The following RIN2 variants were observed in gnomAD, a reference collection of about 807,000 sequenced individuals.
RIN2 encodes the protein Ras and Rab interactor 2.
RIN2 carries 36 observed loss-of-function variants against 78.0 expected under a neutral mutation model. The ratio of observed to expected loss-of-function variants is 0.46; its 90% CI spans 0.35 to 0.61. The LOEUF (loss-of-function observed/expected upper bound fraction) is 0.61. RIN2 is among the 20% of genes least tolerant of loss of function. The pLI is 0.00. For synonymous variants in RIN2, 466 were observed against 466.8 expected (o/e 1.00, Z 0.02); for missense variants, 1,087 against 1,159.7 (o/e 0.94, Z 0.91).
intron 9 of RIN2, among the ~76,000 whole-genome samples, chr20:19,988,877 T>G (rs562179350): frequency 6.6e-6 from 1 of 152,100 alleles, no homozygotes; most frequent in East Asian, 1.9e-4. Flanking sequence ...TCGCCACATC[T>G]GCCTCATTCT....
chr20:19,950,473 T>G (rs1198103071), intron 4 of RIN2, among the ~76,000 whole-genome samples: 3 of 152,254 alleles, frequency 2.0e-5, no homozygotes, highest in Non-Finnish European at 4.4e-5. Context: ...GTTGCAAAGA[T>G]AGCACTGTTC....
chr20:19,770,946 TG>T (rs1340502866), intron 1 of RIN2, among the ~76,000 whole-genome samples: 1 of 145,738 alleles, frequency 6.9e-6, no homozygotes, highest in South Asian at 2.2e-4. Flanking sequence ...CGGCATCAAG[TG>T]GGGGTTCCCA....
At chr20:19,950,949 G>T (rs1351662883) in intron 4 of RIN2, among the ~76,000 whole-genome samples, 1 of 150,838 alleles carries the variant, frequency 6.6e-6, no homozygotes, top group Non-Finnish European at 1.5e-5. Flanking sequence ...AAGTGCAGTG[G>T]TGCCATCTCA....
At chr20:19,878,994 G>C (rs140139433) in intron 2 of RIN2, among the ~76,000 whole-genome samples, 1 of 152,180 alleles carries the variant, frequency 6.6e-6, no homozygotes, top group Non-Finnish European at 1.5e-5. Context: ...CAAGAGGATG[G>C]GGTGAGGTAG....
intron 3 of RIN2, among the ~76,000 whole-genome samples, chr20:19,897,110 T>C (rs1434580489): frequency 2.0e-5 from 3 of 152,140 alleles, no homozygotes; most frequent in African/African-American, 7.2e-5. Context: ...CATTTTGTTG[T>C]TGTTGTTGTT....
At chr20:19,971,185 A>ATTT (rs11461198) in intron 8 of RIN2, among the ~76,000 whole-genome samples, 1 of 148,510 alleles carries the variant, frequency 6.7e-6, no homozygotes, top group African/African-American at 2.5e-5. Flanking sequence ...CGCGTGCATG[A>ATTT]TTTTTTTTTT....
intron 1 of RIN2, among the ~76,000 whole-genome samples, chr20:19,776,050 T>G (rs1238913477): frequency 6.6e-6 from 1 of 152,124 alleles, no homozygotes; most frequent in Non-Finnish European, 1.5e-5. Flanking sequence ...AACCATTAAC[T>G]TCTTTTCATT....
At chr20:19,898,787 C>T (rs775720249) in intron 3 of RIN2, among the ~76,000 whole-genome samples, 29 of 152,176 alleles carry the variant, frequency 1.9e-4, no homozygotes, top group Non-Finnish European at 2.9e-4. Flanking sequence ...TGTTAAATCA[C>T]GTGCCAGCAT....
intron 8 of RIN2, 41 bp downstream of exon 8, chr20:19,970,970 T>A (rs2042086059): frequency 6.8e-7 from 1 of 1,478,610 alleles, no homozygotes; most frequent in African/African-American, 1.4e-5. Flanking sequence ...TAAAAATGAA[T>A]CCATGGAGCA....
At chr20:19,849,859 C>T (rs2036906205) in intron 2 of RIN2, among the ~76,000 whole-genome samples, 1 of 152,054 alleles carries the variant, frequency 6.6e-6, no homozygotes, top group African/African-American at 2.4e-5. Context: ...ACAGCAGCCT[C>T]CAGAAAATGG....
intron 2 of RIN2, among the ~76,000 whole-genome samples, chr20:19,833,662 G>T (rs141718931): frequency 6.6e-6 from 1 of 152,358 alleles, no homozygotes; most frequent in African/African-American, 2.4e-5. Flanking sequence ...AGTAGTGAGT[G>T]TAGCAGTGCG....
intron 3 of RIN2, among the ~76,000 whole-genome samples, chr20:19,904,237 A>AAAAATATATATATATATATATAT (rs1441221201): frequency 1.6e-4 from 15 of 95,086 alleles, no homozygotes; most frequent in Non-Finnish European, 2.0e-4. Flanking sequence ...GTCTCAAAAA[A>AAAAATATATATATATATATATAT]AAAATATATA....
intron 2 of RIN2, among the ~76,000 whole-genome samples, chr20:19,830,171 C>T (rs934169008): frequency 3.3e-5 from 5 of 152,156 alleles, no homozygotes; most frequent in Non-Finnish European, 5.9e-5. Context: ...TTTAAAATAT[C>T]ATTTTTATGA....
chr20:19,797,851 T>C (rs2035107192), intron 1 of RIN2, among the ~76,000 whole-genome samples: 1 of 150,360 alleles, frequency 6.7e-6, no homozygotes, highest in Admixed American at 6.6e-5. Context: ...TGGATTATTC[T>C]ACTTAATCTT....
intron 1 of RIN2, among the ~76,000 whole-genome samples, chr20:19,798,335 G>A (rs1038841419): frequency 1.3e-5 from 2 of 152,060 alleles, no homozygotes; most frequent in African/African-American, 4.8e-5. Flanking sequence ...GAGGGACAGG[G>A]AGGATATTCT....
At chr20:19,866,174 G>A (rs2037499689) in intron 2 of RIN2, among the ~76,000 whole-genome samples, 1 of 152,004 alleles carries the variant, frequency 6.6e-6, no homozygotes, top group Admixed American at 6.6e-5. Context: ...AGCACAGAGT[G>A]TAGATCCCTT....
chr20:19,996,401 T>C (rs2042967056), intron 11 of RIN2, among the ~76,000 whole-genome samples: 1 of 152,082 alleles, frequency 6.6e-6, no homozygotes, highest in Non-Finnish European at 1.5e-5. Flanking sequence ...AATCCCATCA[T>C]TGAAAAACAG....
Position 19,823,766 on chromosome 20 carries a change from CT to C in RIN2, c.-37+24020del, listed in dbSNP as rs1304525743. ...TGTCTGTTCTGAATGGTTAGTTTCA[CT>C]GTAATCCTCAGGCCCTTCCAGTCAC... On this transcript the variant is annotated intron_variant, in intron 2 of 12. Transcript: ENST00000255006. 3 of 1,596,314 alleles carry C rather than the reference CT, an allele frequency of 1.9e-6. No individual in the cohort carries two copies. In the African/African-American group the frequency reaches 4.0e-5, roughly 21 times the overall value.
chr20:19,967,004 A>G (rs977770131), intron 7 of RIN2, among the ~76,000 whole-genome samples: 1 of 151,972 alleles, frequency 6.6e-6, no homozygotes, highest in African/African-American at 2.4e-5. Context: ...GTAAGTCTCA[A>G]TGCTAACACG....
Sources: gnomAD v4.1 joint callset for allele counts (sites outside exome capture counted in the v4.1 genomes callset) on GRCh38, gnomAD v4.1.1 for gene constraint, MANE v1.5 for transcripts, NCBI Gene and HGNC (gene_info 2026-07-23, HGNC 2026-07-21) for gene names.